PDSS2: variants seen among roughly 807,000 people sequenced by gnomAD.
PDSS2 encodes decaprenyl diphosphate synthase subunit 2.
In PDSS2, 31 loss-of-function variants were observed where a neutral mutation model predicts 44.5. The observed-to-expected ratio is 0.70, with a 90% CI of 0.52 to 0.94. The LOEUF (loss-of-function observed/expected upper bound fraction) is 0.94. Ranked by LOEUF, PDSS2 falls within the 40% of genes least tolerant of loss-of-function variation. PDSS2 has a pLI of 0.00. For missense variants in PDSS2, 452 were observed against 482.2 expected (o/e 0.94, Z 0.59); for synonymous variants, 157 against 180.3 (o/e 0.87, Z 1.03).
rs1279457185 is a variant in PDSS2, at chr6:107,459,520, A to G, written c.-235T>C. The G allele has an allele frequency of 1.7e-6, 1 of 571,826 alleles. No individual in the cohort carries two copies. Among genetic ancestry groups the G allele is most frequent in the Non-Finnish European group, 3.1e-6 (1 of 321,268 alleles). The allele number at this position is 571,826 out of a possible 1,614,324, so 35.4% of individuals were successfully genotyped here. A position where few individuals can be genotyped will look rare whatever the true frequency, so the allele number is the denominator to read the frequency against. On this transcript the variant is annotated 5_prime_UTR_variant, in exon 1 of 8. Transcript: ENST00000369037. This position sits in a 1 kb window ranked among gnomAD's most constrained non-coding sequence, Gnocchi z 4.3. ...CACTGCCCCCGGCCACCCGGGGTAG[A>G]AACCACAGCCACTGCCTATGTGGAG...
intron 3 of PDSS2, 81 bp from the exon 4 acceptor site, chr6:107,245,700 G>T: frequency 1.1e-6 from 1 of 881,258 alleles, no homozygotes; most frequent in Non-Finnish European, 1.7e-6. Context: ...AGAAGGCTCA[G>T]TGGCAAGGCA....
intron 7 of PDSS2, among the ~76,000 whole-genome samples, chr6:107,156,911 T>C (rs1046892633): frequency 2.0e-5 from 3 of 152,130 alleles, no homozygotes; most frequent in Non-Finnish European, 4.4e-5. Flanking sequence ...TACTCCTCAT[T>C]CCCATTGCCA....
At chr6:107,248,874 A>C (rs1352214296) in intron 3 of PDSS2, among the ~76,000 whole-genome samples, 1 of 152,204 alleles carries the variant, frequency 6.6e-6, no homozygotes, top group Non-Finnish European at 1.5e-5. Flanking sequence ...TCTACTGGCT[A>C]ATTTCTTTGT....
intron 7 of PDSS2, among the ~76,000 whole-genome samples, chr6:107,188,652 G>T (rs1772261467): frequency 6.6e-6 from 1 of 152,172 alleles, no homozygotes; most frequent in Admixed American, 6.5e-5. Flanking sequence ...GAGGTGTTTG[G>T]GTCAGGGGGT....
intron 1 of PDSS2, among the ~76,000 whole-genome samples, chr6:107,429,895 AAAAAAAATATATATATATAT>A (rs1156604540): frequency 2.4e-5 from 1 of 41,604 alleles, no homozygotes. Context: ...AAAAAAAAAA[AAAAAAAATATATATATATAT>A]ATATATATAT....
chr6:107,359,858 A>C (rs1778714331), intron 1 of PDSS2, among the ~76,000 whole-genome samples: 1 of 152,104 alleles, frequency 6.6e-6, no homozygotes. Flanking sequence ...TTTCATATTA[A>C]GGTTTCTCAA....
chr6:107,436,082 G>A (rs1211335650), intron 1 of PDSS2, among the ~76,000 whole-genome samples: 1 of 152,222 alleles, frequency 6.6e-6, no homozygotes, highest in Admixed American at 6.5e-5. Flanking sequence ...ACTATCTGAT[G>A]TGTTAACTAT....
At chr6:107,323,789 T>A (rs1264539665) in intron 2 of PDSS2, among the ~76,000 whole-genome samples, 1 of 152,228 alleles carries the variant, frequency 6.6e-6, no homozygotes, top group Non-Finnish European at 1.5e-5. Context: ...CTTTGGCTAC[T>A]TACCAGTCAA....
chr6:107,273,895 TCA>T (rs1775684710), intron 3 of PDSS2, 132 bp downstream of exon 3: 2 of 732,336 alleles, frequency 2.7e-6, no homozygotes, highest in Non-Finnish European at 4.9e-6. Context: ...ATTATGTTCA[TCA>T]CAGTTTTACT....
intron 4 of PDSS2, among the ~76,000 whole-genome samples, chr6:107,218,084 AAAACCTCCAAC>A (rs1773474549): frequency 6.6e-6 from 1 of 152,186 alleles, no homozygotes; most frequent in Non-Finnish European, 1.5e-5. Context: ...TCCTTTTCAT[AAAACCTCCAAC>A]CTTCTCTCTG....
intron 2 of PDSS2, among the ~76,000 whole-genome samples, chr6:107,288,739 G>T (rs986398509): frequency 6.7e-6 from 1 of 148,700 alleles, no homozygotes; most frequent in African/African-American, 2.5e-5. Context: ...ATATGAAGAT[G>T]CCGGGACGAA....
At position 107,284,532 on chromosome 6, in the gene PDSS2, G is replaced by A. The variant is rs1405111612; in HGVS notation, c.432-10305C>T. Among the ~76,000 whole-genome samples the A allele has an allele frequency of 2.0e-5, 3 of 151,830 alleles. No homozygotes were observed. In the East Asian group the frequency reaches 5.8e-4, roughly 29 times the overall value. On this transcript the variant is annotated intron_variant, in intron 2 of 7. Coordinates refer to ENST00000369037, the MANE Select transcript of PDSS2 (RefSeq NM_020381.4). Reference sequence around the variant, plus strand: ...AAAAATTAGCCTGGCGTGGTGGCAGGCGCCTGTAATCCCAGCTACTCAGGA... The same window carrying A: ...AAAAATTAGCCTGGCGTGGTGGCAGACGCCTGTAATCCCAGCTACTCAGGA...
chr6:107,429,901 AATATATATATATAT>A (rs869061691), intron 1 of PDSS2, among the ~76,000 whole-genome samples: 360 of 31,840 alleles, frequency 0.011, 36 homozygotes, highest in African/African-American at 0.04. Flanking sequence ...AAAAAAAAAA[AATATATATATATAT>A]ATATATATAT....
intron 4 of PDSS2, among the ~76,000 whole-genome samples, chr6:107,231,832 C>T (rs1042487587): frequency 2.6e-5 from 4 of 151,974 alleles, no homozygotes; most frequent in South Asian, 2.1e-4. Flanking sequence ...TGTGGTGGTG[C>T]GCACCTGTAA....
intron 4 of PDSS2, among the ~76,000 whole-genome samples, chr6:107,221,914 A>T (rs1773621177): frequency 6.6e-6 from 1 of 152,232 alleles, no homozygotes; most frequent in African/African-American, 2.4e-5. Context: ...TCACATAATC[A>T]GAAAAGAAGA....
At chr6:107,362,898 C>G (rs143392847) in intron 1 of PDSS2, among the ~76,000 whole-genome samples, 8 of 151,902 alleles carry the variant, frequency 5.3e-5, no homozygotes, top group African/African-American at 1.9e-4. Flanking sequence ...GAAAATATCA[C>G]CAGAGAGTGC....
intron 1 of PDSS2, among the ~76,000 whole-genome samples, chr6:107,378,741 G>A (rs1385903008): frequency 2.0e-5 from 3 of 152,124 alleles, no homozygotes; most frequent in South Asian, 2.1e-4. Context: ...AGCCGATATC[G>A]CACCACCGCA....
intron 1 of PDSS2, among the ~76,000 whole-genome samples, chr6:107,407,005 G>A (rs1780341754): frequency 1.3e-5 from 2 of 152,214 alleles, no homozygotes; most frequent in African/African-American, 2.4e-5. Flanking sequence ...TTTAGCCACT[G>A]ACTGGGGGTT....
At chr6:107,181,696 C>A (rs1441412648) in intron 7 of PDSS2, among the ~76,000 whole-genome samples, 1 of 151,792 alleles carries the variant, frequency 6.6e-6, no homozygotes, top group African/African-American at 2.4e-5. Context: ...TTGAGATCAG[C>A]CTGGCCAACA....
Sources: allele counts gnomAD v4.1 joint callset (sites outside exome capture counted in the v4.1 genomes callset), GRCh38; gene constraint gnomAD v4.1.1; non-coding constraint Gnocchi (gnomAD v3.1); transcripts MANE v1.5; gene names NCBI Gene and HGNC (gene_info 2026-07-23, HGNC 2026-07-21).